The following ZFPM2 variants were observed in gnomAD, a reference collection of about 807,000 sequenced individuals.
ZFPM2 encodes zinc finger protein, FOG family member 2.
Under a neutral mutation model 98.6 loss-of-function variants are expected in ZFPM2, and 20 were observed. The ratio of observed to expected loss-of-function variants is 0.20; its 90% CI spans 0.14 to 0.29. The LOEUF (loss-of-function observed/expected upper bound fraction) is 0.29, where lower values mean the gene tolerates loss of function less well. ZFPM2 is among the 10% of genes least tolerant of loss of function. The probability of loss-of-function intolerance (pLI) is 1.00; values close to 1 mark genes in which losing one functional copy is unlikely to be tolerated. For missense variants in ZFPM2, 1,310 were observed against 1,388.6 expected, an observed-to-expected ratio of 0.94 and a Z score of 0.90; for synonymous variants, 518 against 502.7, an observed-to-expected ratio of 1.03 and a Z score of -0.41.
intron 5 of ZFPM2, among the ~76,000 whole-genome samples, chr8:105,716,740 T>G (rs1300707079): frequency 1.3e-5 from 2 of 151,898 alleles, no homozygotes; most frequent in African/African-American, 4.8e-5. Flanking sequence ...TCTAAAAGAA[T>G]CAGAGTGATT....
chr8:105,479,364 CT>C (rs1002201841), intron 3 of ZFPM2, among the ~76,000 whole-genome samples: 1 of 152,182 alleles, frequency 6.6e-6, no homozygotes. Context: ...AACATTGTTT[CT>C]TTTTAAGACT....
In ZFPM2 at chr8:105,725,941, CAG is replaced by C. The variant is rs201907960; in HGVS notation, c.533-62776_533-62775del. Among the ~76,000 whole-genome samples, 176 of 151,764 alleles carry C rather than the reference CAG, an allele frequency of 1.2e-3. 1 individual carries two copies. In the East Asian group the frequency reaches 0.025, roughly 21 times the overall value. The stretch of plus-strand genomic sequence containing the variant: ...GGTTCTAATGAATAGAGATGGGAAA[CAG>C]TGTTCTGGTCATGTCAAGAGGTGGA... On this transcript the variant is annotated intron_variant, in intron 5 of 7. Transcript: ENST00000407775.
At chr8:105,516,852 A>C (rs1385322870) in intron 3 of ZFPM2, among the ~76,000 whole-genome samples, 11 of 152,226 alleles carry the variant, frequency 7.2e-5, no homozygotes, top group Non-Finnish European at 1.5e-5. Context: ...TAAAATAGGC[A>C]CTAAATACTA....
At chr8:105,372,307 G>GC (rs1810640007) in intron 1 of ZFPM2, among the ~76,000 whole-genome samples, 1 of 152,052 alleles carries the variant, frequency 6.6e-6, no homozygotes, top group Non-Finnish European at 1.5e-5. Flanking sequence ...CTCCCAAAGT[G>GC]CTGGGATTAC....
chr8:105,476,291 G>A (rs894295458), intron 3 of ZFPM2, among the ~76,000 whole-genome samples: 8 of 152,150 alleles, frequency 5.3e-5, no homozygotes, highest in Non-Finnish European at 1.2e-4. Context: ...TGGCGGGCGA[G>A]TGAGCATTAC....
intron 1 of ZFPM2, among the ~76,000 whole-genome samples, chr8:105,407,161 A>G (rs1378071470): frequency 1.6e-5 from 2 of 129,026 alleles, no homozygotes; most frequent in Non-Finnish European, 3.3e-5. Flanking sequence ...TTATATTTTT[A>G]TAAGCCATGA....
rs1554619524 is a variant in ZFPM2 at position 105,586,842 on chromosome 8, A to AATATTTTATATATAT, written c.420+25366_420+25380dup. Among the ~76,000 whole-genome samples, 506 of 137,074 alleles carry AATATTTTATATATAT rather than the reference A, an allele frequency of 3.7e-3. 3 individuals are homozygous for AATATTTTATATATAT. The highest frequency in any genetic ancestry group is 0.012 in the African/African-American group (467 of 38,424). 89.9% of individuals were successfully genotyped at this position (137,074 alleles called of 152,430 possible). ...ATGTATGTGTGCATATTTATATATAAATATTTTATATATATATATATATTC... is the reference window on the plus strand; with the variant it reads ...ATGTATGTGTGCATATTTATATATAAATATTTTATATATATATATTTTATATATATATATATATTC... On this transcript the variant is annotated intron_variant, in intron 4 of 7. Coordinates refer to ENST00000407775, the MANE Select transcript of ZFPM2 (RefSeq NM_012082.4).
At chr8:105,740,829 T>C (rs10106386) in intron 5 of ZFPM2, among the ~76,000 whole-genome samples, 66,876 of 151,716 alleles carry the variant, frequency 0.44, 15,803 homozygotes, top group African/African-American at 0.61. Flanking sequence ...ATTTGCTAAA[T>C]GATAAAATAT....
At chr8:105,674,663 C>T (rs1817655508) in intron 5 of ZFPM2, among the ~76,000 whole-genome samples, 1 of 152,052 alleles carries the variant, frequency 6.6e-6, no homozygotes, top group Admixed American at 6.6e-5. Flanking sequence ...ATTAAGTGTT[C>T]AGCATTGGTG....
At chr8:105,487,977 A>G (rs1359687345) in intron 3 of ZFPM2, among the ~76,000 whole-genome samples, 2 of 150,784 alleles carry the variant, frequency 1.3e-5, no homozygotes, top group African/African-American at 2.4e-5. Context: ...TTTTAGAGTC[A>G]TTTTAGTTTT....
At chr8:105,793,150 C>T (rs1342327324) in intron 6 of ZFPM2, among the ~76,000 whole-genome samples, 1 of 151,488 alleles carries the variant, frequency 6.6e-6, no homozygotes, top group African/African-American at 2.4e-5. Flanking sequence ...GGTTATTTTG[C>T]TCGTTAGTTG....
chr8:105,668,036 A>C (rs951261376), intron 5 of ZFPM2, among the ~76,000 whole-genome samples: 2 of 152,196 alleles, frequency 1.3e-5, no homozygotes, highest in Admixed American at 1.3e-4. Context: ...GGGACCAAAA[A>C]GTCTGAGAAT....
chr8:105,318,443 A>T lies in ZFPM2; in HGVS notation c.-499A>T, dbSNP rs1794465273. 6.6e-6 allele frequency among the ~76,000 whole-genome samples: 1 copy of T among 150,920 alleles called. No individual in the cohort carries two copies. Among genetic ancestry groups the T allele is most frequent in the African/African-American group, 2.4e-5 (1 of 41,118 alleles). ...GCCTCGCCGCCTCCCGCCGCAGAAC[A>T]GGAGCTGCGCGGCCCGGAGCGGCGG... is the stretch of plus-strand genomic sequence containing the variant. On this transcript the variant is annotated 5_prime_UTR_variant, in exon 1 of 8. Coordinates refer to ENST00000407775, the MANE Select transcript of ZFPM2 (RefSeq NM_012082.4).
intron 1 of ZFPM2, among the ~76,000 whole-genome samples, chr8:105,389,013 CGTGTGTGTGTGTGTGTGTGTGT>C (rs142145699): frequency 8.2e-5 from 11 of 134,826 alleles, no homozygotes; most frequent in East Asian, 4.5e-4. Context: ...AATTTGATGA[CGTGTGTGTGTGTGTGTGTGTGT>C]GTGTGTGTGT....
chr8:105,351,369 GTGTGTGTGTGTGTT>G lies in ZFPM2; in HGVS notation c.40+32402_40+32415del, dbSNP rs1358917800. Among the ~76,000 whole-genome samples the G allele has an allele frequency of 2.3e-4, 35 of 151,254 alleles. No homozygotes were observed. In the South Asian group the frequency reaches 6.3e-3, roughly 27 times the overall value. On this transcript the variant is annotated intron_variant, in intron 1 of 7. Coordinates refer to ENST00000407775, the MANE Select transcript of ZFPM2 (RefSeq NM_012082.4). ...TGCATTATTTCGTGTGTGTGTGTGT[GTGTGTGTGTGTGTT>G]TGTGTGTGTGTGTGTATGTAAATAT...
At chr8:105,422,001 C>A (rs914162984) in intron 2 of ZFPM2, among the ~76,000 whole-genome samples, 1 of 141,620 alleles carries the variant, frequency 7.1e-6, no homozygotes, top group African/African-American at 2.7e-5. Flanking sequence ...GAGTTGAGAT[C>A]GCACCACCGC....
At chr8:105,714,575 CACTT>C (rs1165484885) in intron 5 of ZFPM2, among the ~76,000 whole-genome samples, 2 of 151,852 alleles carry the variant, frequency 1.3e-5, no homozygotes, top group Non-Finnish European at 2.9e-5. Flanking sequence ...TAAAATTTAT[CACTT>C]AATCATTTTA....
intron 5 of ZFPM2, among the ~76,000 whole-genome samples, chr8:105,746,855 C>T (rs1812360841): frequency 6.6e-6 from 1 of 151,854 alleles, no homozygotes; most frequent in African/African-American, 2.4e-5. Context: ...CACCTGAAGA[C>T]ATTCTCAATT....
intron 6 of ZFPM2, among the ~76,000 whole-genome samples, chr8:105,797,625 A>G (rs1813872259): frequency 6.6e-6 from 1 of 152,178 alleles, no homozygotes; most frequent in South Asian, 2.1e-4. Flanking sequence ...CCTCAACAGT[A>G]CAGAAAAGCC....
Sources: allele counts gnomAD v4.1 joint callset (sites outside exome capture counted in the v4.1 genomes callset), GRCh38; gene constraint gnomAD v4.1.1; transcripts MANE v1.5; gene names NCBI Gene and HGNC (gene_info 2026-07-23, HGNC 2026-07-21).